The following DLG2 variants were observed in gnomAD, a reference collection of about 807,000 sequenced individuals.
DLG2 encodes the protein discs large MAGUK scaffold protein 2.
DLG2 carries 45 observed loss-of-function variants against 132.5 expected under a neutral mutation model. The observed-to-expected ratio is 0.34, with a 90% CI of 0.27 to 0.44. The LOEUF (loss-of-function observed/expected upper bound fraction) is 0.44, where lower values mean the gene tolerates loss of function less well. Ranked by LOEUF, DLG2 falls within the 20% of genes least tolerant of loss-of-function variation. The pLI, the probability that DLG2 is intolerant of heterozygous loss-of-function variation, is 1.00. For missense variants in DLG2, 1,045 were observed against 1,196.9 expected, an observed-to-expected ratio of 0.87 and a Z score of 1.87; for synonymous variants, 424 against 419.6, an observed-to-expected ratio of 1.01 and a Z score of -0.13.
intron 7 of DLG2, among the ~76,000 whole-genome samples, chr11:84,275,766 A>G (rs922802672): frequency 6.6e-6 from 1 of 152,260 alleles, no homozygotes; most frequent in African/African-American, 2.4e-5. Context: ...ACAAAAAGGC[A>G]AATTTAAAAA....
At chr11:84,350,079 G>A (rs1298519916) in intron 7 of DLG2, among the ~76,000 whole-genome samples, 1 of 151,350 alleles carries the variant, frequency 6.6e-6, no homozygotes, top group African/African-American at 2.4e-5. Context: ...TCGGGAGGCT[G>A]AGGCAGGAGA....
intron 7 of DLG2, among the ~76,000 whole-genome samples, chr11:84,408,333 CAT>C (rs1159922209): frequency 1.6e-5 from 2 of 125,228 alleles, no homozygotes; most frequent in Admixed American, 7.2e-5. Context: ...ACAACTTGCA[CAT>C]GTTATATATA....
intron 6 of DLG2, among the ~76,000 whole-genome samples, chr11:85,048,407 G>A (rs145757195): frequency 2.1e-4 from 32 of 151,992 alleles, no homozygotes; most frequent in African/African-American, 6.7e-4. Flanking sequence ...ACTTACTATC[G>A]TGGTACTCTA....
intron 3 of DLG2, among the ~76,000 whole-genome samples, chr11:85,388,833 C>CA (rs913541045): frequency 8.5e-5 from 13 of 152,118 alleles, no homozygotes; most frequent in African/African-American, 2.2e-4. Context: ...CGCCATGGGA[C>CA]AAAAAAATCG....
At position 84,502,200 on chromosome 11, in the gene DLG2, CTCCTTCCT is replaced by C. The variant is rs1218812487; in HGVS notation, c.519+32362_519+32369del. On this transcript the variant is annotated intron_variant, in intron 7 of 27. Coordinates refer to ENST00000376104, the MANE Select transcript of DLG2 (RefSeq NM_001142699.3). ...TTTCTCTCTCTTTCTCTCTCTCTCT[CTCCTTCCT>C]TCCTTCCTTCCTTCCTTCCTTCCTT... Among the ~76,000 whole-genome samples the C allele has an allele frequency of 7.4e-3, 72 of 9,736 alleles. 1 individual carries two copies. The highest frequency in any genetic ancestry group is 0.019 in the Admixed American group (30 of 1,556). 6.4% of individuals were successfully genotyped at this position (9,736 alleles called of 152,430 possible).
intron 7 of DLG2, among the ~76,000 whole-genome samples, chr11:84,401,144 C>A (rs946298608): frequency 6.6e-6 from 1 of 152,076 alleles, no homozygotes; most frequent in African/African-American, 2.4e-5. Context: ...TAGTGTCAGA[C>A]AGCAGGCAAG....
intron 3 of DLG2, among the ~76,000 whole-genome samples, chr11:85,536,078 A>G (rs905539878): frequency 4.0e-5 from 6 of 151,832 alleles, no homozygotes; most frequent in African/African-American, 1.5e-4. Flanking sequence ...TTAGACTGGC[A>G]AGGTGGCACA....
intron 5 of DLG2, among the ~76,000 whole-genome samples, chr11:85,134,255 C>CTTT (rs575257650): frequency 0.054 from 7,804 of 145,540 alleles, 298 homozygotes; most frequent in African/African-American, 0.11. Context: ...CCACCACCCT[C>CTTT]TTTTTTTTTT....
intron 3 of DLG2, among the ~76,000 whole-genome samples, chr11:85,583,057 A>AT (rs1555190342): frequency 1.1e-3 from 110 of 101,608 alleles, no homozygotes; most frequent in Admixed American, 1.5e-3. Flanking sequence ...GGAAAAAAAA[A>AT]ATATATATAT....
intron 3 of DLG2, among the ~76,000 whole-genome samples, chr11:85,558,964 A>G (rs1185908824): frequency 1.3e-5 from 2 of 151,734 alleles, no homozygotes; most frequent in Non-Finnish European, 2.9e-5. Context: ...ATTTTTTTAA[A>G]TGAGAAGCTA....
intron 7 of DLG2, among the ~76,000 whole-genome samples, chr11:84,347,356 C>T (rs1242526030): frequency 6.6e-6 from 1 of 152,156 alleles, no homozygotes; most frequent in East Asian, 1.9e-4. Context: ...CCATTGCTGA[C>T]CAGTTCTACT....
chr11:84,995,068 C>A (rs1414980595), intron 6 of DLG2, among the ~76,000 whole-genome samples: 1 of 152,160 alleles, frequency 6.6e-6, no homozygotes, highest in Non-Finnish European at 1.5e-5. Context: ...AAGAGGAGTG[C>A]AACCTTCACT....
intron 3 of DLG2, among the ~76,000 whole-genome samples, chr11:85,406,326 T>C (rs1421763996): frequency 6.6e-6 from 1 of 150,902 alleles, no homozygotes; most frequent in Non-Finnish European, 1.5e-5. Context: ...TAAATATCAC[T>C]GAGAAAAGAG....
intron 6 of DLG2, among the ~76,000 whole-genome samples, chr11:84,744,898 T>TAAAAAAAAAAAAAAAAAAAAAAAAACA (rs758776805): frequency 1.4e-5 from 1 of 71,812 alleles, no homozygotes; most frequent in African/African-American, 4.8e-5. Flanking sequence ...AGTAAAGGTC[T>TAAAAAAAAAAAAAAAAAAAAAAAAACA]AAAAAAAAAA....
chr11:85,358,305 C>A (rs1338748330), intron 3 of DLG2, among the ~76,000 whole-genome samples: 1 of 152,184 alleles, frequency 6.6e-6, no homozygotes, highest in East Asian at 1.9e-4. Context: ...CCCTCACTCT[C>A]TGTGTTTACT....
chr11:84,696,521 C>T (rs1332860924), intron 6 of DLG2, among the ~76,000 whole-genome samples: 8 of 151,158 alleles, frequency 5.3e-5, no homozygotes, highest in Admixed American at 1.3e-4. Context: ...TAGCTAAGTT[C>T]GAAAGGTGAG....
intron 6 of DLG2, among the ~76,000 whole-genome samples, chr11:84,679,944 T>C (rs2099724521): frequency 6.6e-6 from 1 of 152,150 alleles, no homozygotes; most frequent in African/African-American, 2.4e-5. Context: ...ACTTTCTGTA[T>C]TATTGGAGCT....
intron 6 of DLG2, among the ~76,000 whole-genome samples, chr11:84,896,353 T>G (rs2090183834): frequency 6.6e-6 from 1 of 152,104 alleles, no homozygotes; most frequent in African/African-American, 2.4e-5. Flanking sequence ...AGATGCTTGT[T>G]AAAGATGTGG....
chr11:84,797,139 G>A (rs954115366), intron 6 of DLG2, among the ~76,000 whole-genome samples: 4 of 152,054 alleles, frequency 2.6e-5, no homozygotes, highest in South Asian at 2.1e-4. Context: ...GAGCCACCAT[G>A]CCCGGCCTAT....
Sources: allele counts gnomAD v4.1 joint callset (sites outside exome capture counted in the v4.1 genomes callset), GRCh38; gene constraint gnomAD v4.1.1; transcripts MANE v1.5; gene names NCBI Gene and HGNC (gene_info 2026-07-23, HGNC 2026-07-21).